Variants in GPC5 observed in about 807,000 individuals in gnomAD.
The protein encoded by GPC5 is glypican-5.
GPC5 carries 47 observed loss-of-function variants against 53.9 expected under a neutral mutation model. The ratio of observed to expected loss-of-function variants is 0.87; its 90% CI spans 0.69 to 1.11. The LOEUF (loss-of-function observed/expected upper bound fraction) is 1.11. Among genes scored for constraint, GPC5 ranks in the 50% most tolerant of loss-of-function variants. The pLI, the probability that GPC5 is intolerant of heterozygous loss-of-function variation, is 0.00. For synonymous variants in GPC5, 286 were observed against 263.3 expected, an observed-to-expected ratio of 1.09 and a Z score of -0.84; for missense variants, 748 against 713.1, an observed-to-expected ratio of 1.05 and a Z score of -0.56.
At chr13:92,077,339 G>T (rs913273537) in intron 6 of GPC5, among the ~76,000 whole-genome samples, 12 of 152,120 alleles carry the variant, frequency 7.9e-5, no homozygotes, top group African/African-American at 2.7e-4. Context: ...GAATGAACTG[G>T]ATTTCCACTG....
chr13:92,064,764 A>AAAAAAAAAAAAAAACAAAACAAAAC (rs1555308147), intron 6 of GPC5, among the ~76,000 whole-genome samples: 1 of 138,366 alleles, frequency 7.2e-6, no homozygotes, highest in African/African-American at 2.6e-5. Context: ...CTCAAAAAAA[A>AAAAAAAAAAAAAAACAAAACAAAAC]AAAACAAAAC....
intron 6 of GPC5, among the ~76,000 whole-genome samples, chr13:92,015,547 T>C (rs2040699223): frequency 6.6e-6 from 1 of 152,218 alleles, no homozygotes; most frequent in African/African-American, 2.4e-5. Flanking sequence ...CACTACCTAG[T>C]GTTTACTGTT....
At chr13:92,721,452 A>G (rs919971460) in intron 7 of GPC5, 4 of 152,118 alleles carry the variant, frequency 2.6e-5, no homozygotes, top group African/African-American at 7.2e-5. Context: ...TAAGAAAAGC[A>G]TGATCATTAT....
At chr13:92,525,989 A>G (rs1024091946) in intron 7 of GPC5, among the ~76,000 whole-genome samples, 1 of 152,196 alleles carries the variant, frequency 6.6e-6, no homozygotes, top group Admixed American at 6.6e-5. Flanking sequence ...ATAATCTCCA[A>G]CTTCTCACTG....
chr13:91,748,536 A>AT (rs1025934869), intron 4 of GPC5, among the ~76,000 whole-genome samples: 16 of 152,228 alleles, frequency 1.1e-4, no homozygotes, highest in African/African-American at 3.6e-4. Context: ...TTCAAAAAGA[A>AT]TTTGTTAAGT....
intron 1 of GPC5, among the ~76,000 whole-genome samples, chr13:91,405,547 T>A (rs1378674781): frequency 1.3e-5 from 2 of 152,182 alleles, no homozygotes; most frequent in Non-Finnish European, 1.5e-5. Context: ...TTACACCACT[T>A]ATTATGGTGG....
chr13:91,739,565 T>C (rs2036884935), intron 4 of GPC5, among the ~76,000 whole-genome samples: 1 of 151,158 alleles, frequency 6.6e-6, no homozygotes, highest in Non-Finnish European at 1.5e-5. Flanking sequence ...AAAGCTCAAG[T>C]GGGGCTGGAG....
At chr13:92,644,516 T>C (rs1885701601) in intron 7 of GPC5, among the ~76,000 whole-genome samples, 1 of 152,198 alleles carries the variant, frequency 6.6e-6, no homozygotes, top group African/African-American at 2.4e-5. Flanking sequence ...TATGTTGTCC[T>C]ACTGTACAAC....
chr13:92,547,994 TA>T (rs1212063369), intron 7 of GPC5, among the ~76,000 whole-genome samples: 3 of 107,814 alleles, frequency 2.8e-5, no homozygotes, highest in Middle Eastern at 4.2e-3. Flanking sequence ...CACGCCTGGC[TA>T]ATTTTTTTTT....
At chr13:92,189,970 C>T (rs2042212055) in intron 7 of GPC5, among the ~76,000 whole-genome samples, 1 of 152,098 alleles carries the variant, frequency 6.6e-6, no homozygotes, top group African/African-American at 2.4e-5. Context: ...TTCCCAAATT[C>T]ATGTCAGACA....
chr13:91,897,012 CT>C (rs2039448904), intron 5 of GPC5, among the ~76,000 whole-genome samples: 1 of 92,016 alleles, frequency 1.1e-5, no homozygotes, highest in Admixed American at 1.1e-4. Flanking sequence ...CCAACTCCTC[CT>C]CTTCCTCTTC....
At chr13:92,526,680 C>A (rs1881294620) in intron 7 of GPC5, among the ~76,000 whole-genome samples, 1 of 151,880 alleles carries the variant, frequency 6.6e-6, no homozygotes, top group African/African-American at 2.4e-5. Flanking sequence ...AGAATAGAAA[C>A]AGGAAAACCA....
chr13:92,700,255 ATTTTTT>A (rs36058737), intron 7 of GPC5, among the ~76,000 whole-genome samples: 1 of 103,638 alleles, frequency 9.6e-6, no homozygotes, highest in Non-Finnish European at 1.9e-5. Flanking sequence ...CAACCCCTGC[ATTTTTT>A]TTTTTTTTTT....
In GPC5 at chr13:91,743,387, G is replaced by T. The variant is rs368235708; in HGVS notation, c.1155-12908G>T. On this transcript the variant is annotated intron_variant, in intron 4 of 7. Transcript: ENST00000377067. Reference sequence around the variant, plus strand: ...GCATAATTTAAGATAATTGAAGTTTGTCTCTTACAAATTAATTGCATTTAG... The same window carrying T: ...GCATAATTTAAGATAATTGAAGTTTTTCTCTTACAAATTAATTGCATTTAG... Among the ~76,000 whole-genome samples, 16 of 152,200 alleles carry T rather than the reference G, an allele frequency of 1.1e-4. No individual in the cohort carries two copies. In the South Asian group the frequency reaches 3.1e-3, roughly 30 times the overall value.
At chr13:92,306,338 G>A (rs1201874938) in intron 7 of GPC5, among the ~76,000 whole-genome samples, 2 of 152,098 alleles carry the variant, frequency 1.3e-5, no homozygotes, top group Admixed American at 6.5e-5. Context: ...AATTAAAGGT[G>A]GACCTTCTTT....
chr13:91,664,391 A>C (rs1290232012), intron 2 of GPC5, among the ~76,000 whole-genome samples: 2 of 152,160 alleles, frequency 1.3e-5, no homozygotes, highest in Admixed American at 6.5e-5. Flanking sequence ...TATCTAAAGC[A>C]TTTATCCCTT....
intron 6 of GPC5, among the ~76,000 whole-genome samples, chr13:91,961,199 GT>G (rs2040122487): frequency 6.6e-6 from 1 of 151,818 alleles, no homozygotes; most frequent in African/African-American, 2.4e-5. Flanking sequence ...AACTAAACAA[GT>G]AAATACTCAG....
chr13:92,477,034 TAAAGTATAATAATA>T (rs1417543642), intron 7 of GPC5, among the ~76,000 whole-genome samples: 58 of 138,320 alleles, frequency 4.2e-4, no homozygotes, highest in African/African-American at 1.4e-3. Context: ...CCCTAAAACT[TAAAGTATAATAATA>T]AAAAATAAAT....
intron 7 of GPC5, among the ~76,000 whole-genome samples, chr13:92,242,665 C>CT (rs2042622198): frequency 1.3e-5 from 2 of 152,080 alleles, no homozygotes; most frequent in Admixed American, 1.3e-4. Context: ...TTGTTTATCT[C>CT]TTTTCAGTCA....
Sources: gnomAD v4.1 joint callset for allele counts (sites outside exome capture counted in the v4.1 genomes callset) on GRCh38, gnomAD v4.1.1 for gene constraint, MANE v1.5 for transcripts, NCBI Gene and HGNC (gene_info 2026-07-23, HGNC 2026-07-21) for gene names.